Variants in NEAT1 observed in about 807,000 individuals in gnomAD.
NEAT1 encodes nuclear paraspeckle assembly transcript 1.
exon 1 of NEAT1, chr11:65,425,639 T>C (rs1292125340): frequency 1.3e-5 from 2 of 152,194 alleles, no homozygotes; most frequent in South Asian, 4.1e-4. Context: ...AGATGGGCTC[T>C]TCTGGATTTG....
At chr11:65,427,013 CT>C (rs1856568224) in exon 1 of NEAT1, 2 of 152,050 alleles carry the variant, frequency 1.3e-5, no homozygotes, top group Non-Finnish European at 2.9e-5. Flanking sequence ...AAGAATTTGC[CT>C]TGTTTTTTTC....
At chr11:65,428,360 A>C (rs1037582001) in exon 1 of NEAT1, 3 of 152,142 alleles carry the variant, frequency 2.0e-5, no homozygotes, top group Non-Finnish European at 4.4e-5. Flanking sequence ...GCCTGTTGTT[A>C]CAAAAAGGAG....
chr11:65,427,220 T>G (rs916401119), exon 1 of NEAT1: 1 of 152,078 alleles, frequency 6.6e-6, no homozygotes, highest in Non-Finnish European at 1.5e-5. Context: ...GGGTGTAAGG[T>G]TTTGCTTACA....
exon 1 of NEAT1, chr11:65,441,184 T>G (rs1856711008): frequency 6.6e-6 from 1 of 152,202 alleles, no homozygotes; most frequent in Admixed American, 6.5e-5. Flanking sequence ...CAAGGGGAGC[T>G]GCTGTTTCCT....
exon 1 of NEAT1, chr11:65,435,725 T>A (rs1231911078): frequency 1.3e-5 from 2 of 152,156 alleles, no homozygotes; most frequent in South Asian, 2.1e-4. Flanking sequence ...CCTCTCCTCA[T>A]GTGCCGTGGA....
chr11:65,424,486 C>G (rs994238160), exon 1 of NEAT1: 1 of 152,214 alleles, frequency 6.6e-6, no homozygotes, highest in African/African-American at 2.4e-5. Context: ...GACCTCTCAC[C>G]TACCCACCTG....
chr11:65,426,260 G>A (rs1378864917), exon 1 of NEAT1: 1 of 152,066 alleles, frequency 6.6e-6, no homozygotes, highest in Non-Finnish European at 1.5e-5. Flanking sequence ...TTAAAAATAT[G>A]TTGACATGGT....
chr11:65,428,017 A>G (rs1006133236), exon 1 of NEAT1: 3 of 152,104 alleles, frequency 2.0e-5, no homozygotes, highest in Non-Finnish European at 4.4e-5. Context: ...CCTCCACTCC[A>G]ATCCAGGGGC....
At chr11:65,445,066 G>GTA (rs1856754152) in exon 1 of NEAT1, 1 of 154,122 alleles carries the variant, frequency 6.5e-6, no homozygotes, top group Admixed American at 6.5e-5. Context: ...TAAAATGCAA[G>GTA]TAAAATCCCT....
chr11:65,428,228 G>GT (rs1856581176), exon 1 of NEAT1: 2 of 152,212 alleles, frequency 1.3e-5, no homozygotes, highest in Admixed American at 1.3e-4. Flanking sequence ...CAAATTAAAA[G>GT]TTATGGGGCA....
chr11:65,432,316 A>G (rs1856620221), exon 1 of NEAT1: 2 of 152,226 alleles, frequency 1.3e-5, no homozygotes, highest in African/African-American at 2.4e-5. Context: ...AACTCTTAGT[A>G]TCATTGGGAA....
At chr11:65,432,399 T>C (rs1856620787) in exon 1 of NEAT1, 1 of 152,186 alleles carries the variant, frequency 6.6e-6, no homozygotes, top group Non-Finnish European at 1.5e-5. Flanking sequence ...AAAAAGCACC[T>C]ATTATACCAG....
chr11:65,429,858 A>AG (rs1856599164), exon 1 of NEAT1: 1 of 152,066 alleles, frequency 6.6e-6, no homozygotes, highest in South Asian at 2.1e-4. Context: ...TTGTGTGAGG[A>AG]GGGGCATGGT....
exon 1 of NEAT1, chr11:65,431,705 T>C (rs1397915417): frequency 6.6e-6 from 1 of 152,236 alleles, no homozygotes; most frequent in Non-Finnish European, 1.5e-5. Flanking sequence ...CATTTGTATG[T>C]TGTCTTTGGA....
chr11:65,431,649 C>A (rs558681554), exon 1 of NEAT1: 1 of 152,254 alleles, frequency 6.6e-6, no homozygotes, highest in East Asian at 1.9e-4. Flanking sequence ...ATTTGCATTT[C>A]CCTAATGAGG....
exon 1 of NEAT1, chr11:65,435,408 A>G (rs1271177064): frequency 1.3e-5 from 2 of 152,230 alleles, no homozygotes; most frequent in African/African-American, 2.4e-5. Flanking sequence ...ATGGAATCAT[A>G]CAAGGTGTAC....
At position 65,433,350 on chromosome 11, in the gene NEAT1, G is replaced by A. The variant is rs192677036; in HGVS notation, n.10553G>A. 7.9e-5 allele frequency: 12 copies of A among 152,258 alleles called. No individual in the cohort carries two copies. The East Asian group carries it at 2.1e-3, about 27-fold the overall frequency. 9.4% of individuals were successfully genotyped at this position (152,258 alleles called of 1,614,324 possible). ...ACTTTTCATTATGCTTTAAAATCTG[G>A]TAAATGGAGGCTAGAACACTCCTGT... On this transcript the variant is annotated non_coding_transcript_exon_variant, in exon 1 of 1. Coordinates refer to ENST00000501122, the Ensembl canonical transcript of NEAT1.
chr11:65,444,544 G>T, exon 1 of NEAT1: 1 of 495,096 alleles, frequency 2.0e-6, no homozygotes, highest in East Asian at 6.2e-5. Flanking sequence ...ATGGCAGCCA[G>T]GACAGGACTC....
exon 1 of NEAT1, chr11:65,438,041 C>G (rs1243739167): frequency 6.6e-6 from 1 of 152,226 alleles, no homozygotes; most frequent in Non-Finnish European, 1.5e-5. Flanking sequence ...CTGGGAAGTT[C>G]TGTGTACCCG....
Sources: allele counts gnomAD v4.1 joint callset, GRCh38; gene constraint gnomAD v4.1.1; transcripts MANE v1.5; gene names NCBI Gene and HGNC (gene_info 2026-07-23, HGNC 2026-07-21).